POLR2M: variants seen among roughly 807,000 people sequenced by gnomAD.
POLR2M encodes RNA polymerase II subunit M.
POLR2M carries 30 observed loss-of-function variants against 34.6 expected under a neutral mutation model. The ratio of observed to expected loss-of-function variants is 0.87; its 90% CI spans 0.65 to 1.18. The LOEUF is 1.18. Among genes scored for constraint, POLR2M ranks in the 50% most tolerant of loss-of-function variants. The pLI, the probability that POLR2M is intolerant of heterozygous loss-of-function variation, is 0.00. For missense variants in POLR2M, 432 were observed against 448.7 expected, an observed-to-expected ratio of 0.96 and a Z score of 0.34; for synonymous variants, 150 against 166.7, an observed-to-expected ratio of 0.90 and a Z score of 0.77.
chr15:57,708,315 A>G (rs545787873), intron 1 of POLR2M, among the ~76,000 whole-genome samples: 100 of 152,312 alleles, frequency 6.6e-4, no homozygotes, highest in Middle Eastern at 3.4e-3. Flanking sequence ...TGAGAGGGAA[A>G]TAATATCTTA....
In POLR2M at chr15:57,712,011, T is replaced by C. The variant is rs1161652460; in HGVS notation, c.786T>C (p.Ser262=). 6.2e-7 allele frequency: 1 copy of C among 1,614,034 alleles called. No homozygotes were observed. The highest frequency in any genetic ancestry group is 1.1e-5 in the South Asian group (1 of 91,076). ...NVLPFRQNDS[S]SHCQKSGSPI... ...TACCTTTTCGACAAAATGATTCATC[T>C]AGTCATTGCCAGAAGAGTGGGTCTC... Residue 262 remains serine, a synonymous_variant, in exon 3 of 4, where the codon TCT becomes TCC. Coordinates refer to ENST00000299638, the MANE Select transcript of POLR2M (RefSeq NM_015532.5).
intron 1 of POLR2M, among the ~76,000 whole-genome samples, chr15:57,707,970 A>C (rs2040558863): frequency 6.6e-6 from 1 of 152,244 alleles, no homozygotes; most frequent in African/African-American, 2.4e-5. Flanking sequence ...GTTAAAGAAA[A>C]GGGAATCAGA....
intron 2 of POLR2M, among the ~76,000 whole-genome samples, chr15:57,710,730 A>G (rs1490507846): frequency 6.6e-6 from 1 of 152,216 alleles, no homozygotes; most frequent in Non-Finnish European, 1.5e-5. Flanking sequence ...GAAGAGGGCT[A>G]CCAAGAATTC....
At chr15:57,709,919 A>G (rs557989034) in intron 2 of POLR2M, among the ~76,000 whole-genome samples, 6 of 152,282 alleles carry the variant, frequency 3.9e-5, no homozygotes, top group African/African-American at 1.2e-4. Flanking sequence ...TTCCAGCAGA[A>G]ATTATTTGCA....
At chr15:57,709,489 G>A in intron 2 of POLR2M, 131 bp downstream of exon 2, 1 of 1,067,830 alleles carries the variant, frequency 9.4e-7, no homozygotes, top group Non-Finnish European at 1.4e-6. Flanking sequence ...TGGGAAGACA[G>A]CTTTGAGTCC....
In POLR2M at chr15:57,706,721, C is replaced by T; in HGVS notation, c.-122C>T. 1 of 1,153,192 alleles carries T rather than the reference C, an allele frequency of 8.7e-7. No homozygotes were observed. Among genetic ancestry groups the T allele is most frequent in the Admixed American group, 2.7e-5 (1 of 37,580 alleles). 71.4% of individuals were successfully genotyped at this position (1,153,192 alleles called of 1,614,324 possible). A position where few individuals can be genotyped will look rare whatever the true frequency, so the allele number is the denominator to read the frequency against. ...CGGCTCGAAGAAGACCCCGTTCTTC[C>T]GGGAAAATGGCGACTCCCGCTCGTG... On this transcript the variant is annotated 5_prime_UTR_variant, in exon 1 of 4. Transcript: ENST00000299638.
intron 1 of POLR2M, 71 bp downstream of exon 1, chr15:57,707,026 C>G: frequency 6.4e-7 from 1 of 1,551,898 alleles, no homozygotes; most frequent in Non-Finnish European, 8.7e-7. Context: ...CCCCTCCCCT[C>G]CCGCACTCTG....
intron 3 of POLR2M, among the ~76,000 whole-genome samples, chr15:57,713,530 A>G (rs2040822385): frequency 6.6e-6 from 1 of 152,174 alleles, no homozygotes; most frequent in Admixed American, 6.5e-5. Flanking sequence ...TCAAGAAAGC[A>G]TGAGAAAAGG....
At chr15:57,709,432 G>C in intron 2 of POLR2M, 74 bp downstream of exon 2, 1 of 1,517,176 alleles carries the variant, frequency 6.6e-7, no homozygotes. Flanking sequence ...GAGAAACTGG[G>C]TGTGGTGGTG....
Position 57,716,572 on chromosome 15 carries a change from AG to A in POLR2M, c.*1896del, listed in dbSNP as rs2040951315. Reference sequence around the variant, plus strand: ...TTTGCAAATTGAATAATTACAGAAAAGGGCTACATTTAAAATTTGTATTTGT... The same window carrying A: ...TTTGCAAATTGAATAATTACAGAAAAGGCTACATTTAAAATTTGTATTTGT... On this transcript the variant is annotated 3_prime_UTR_variant, in exon 4 of 4. Coordinates refer to ENST00000299638, the MANE Select transcript of POLR2M (RefSeq NM_015532.5). 1 of 152,288 alleles carries A rather than the reference AG, an allele frequency of 6.6e-6. No individual in the cohort carries two copies. The highest frequency in any genetic ancestry group is 1.5e-5 in the Non-Finnish European group (1 of 68,044). 9.4% of individuals were successfully genotyped at this position (152,288 alleles called of 1,614,324 possible). A position where few individuals can be genotyped will look rare whatever the true frequency, so the allele number is the denominator to read the frequency against.
Position 57,709,116 on chromosome 15 carries a change from C to A in POLR2M, c.516C>A (p.His172Gln). The change falls in exon 2 of 4, where the codon CAC becomes CAA. Residue 172 changes from histidine to glutamine, a missense_variant. Coordinates refer to ENST00000299638, the MANE Select transcript of POLR2M (RefSeq NM_015532.5). Reference sequence around the variant, plus strand: ...CTTCATCTGAAGCTAGTGAGCATCACCCGCGGCATCGTGTTTCAAGTCAAG... The same window carrying A: ...CTTCATCTGAAGCTAGTGAGCATCAACCGCGGCATCGTGTTTCAAGTCAAG... Reference protein sequence around the residue: ...VPPSSEASEHHPRHRVSSQAE... With the variant: ...VPPSSEASEHQPRHRVSSQAE... The A allele has an allele frequency of 6.2e-7, 1 of 1,614,162 alleles. No homozygotes were observed. The highest frequency in any genetic ancestry group is 1.1e-5 in the South Asian group (1 of 91,074).
chr15:57,708,083 A>C (rs1270924439), intron 1 of POLR2M, among the ~76,000 whole-genome samples: 1 of 152,230 alleles, frequency 6.6e-6, no homozygotes, highest in African/African-American at 2.4e-5. Flanking sequence ...TATAGCAGTG[A>C]ATTAACTTTT....
intron 1 of POLR2M, chr15:57,707,466 G>GGCAGCTTTGTTCA (rs2040540679): frequency 5.4e-6 from 3 of 556,258 alleles, no homozygotes; most frequent in Middle Eastern, 2.8e-4. Flanking sequence ...TTGTTTTTTA[G>GGCAGCTTTGTTCA]GCAGCTTTGT....
At position 57,706,805 on chromosome 15, in the gene POLR2M, C is replaced by G. The variant is rs1484723310; in HGVS notation, c.-38C>G. The stretch of plus-strand genomic sequence containing the variant: ...TAGTAGCGGGGCCTGCCGAGGAAGC[C>G]GAGTGCCCGCCGCCGCGCCAGCCTC... On this transcript the variant is annotated 5_prime_UTR_variant, in exon 1 of 4. Coordinates refer to ENST00000299638, the MANE Select transcript of POLR2M (RefSeq NM_015532.5). The G allele has an allele frequency of 6.5e-7, 1 of 1,540,506 alleles. No homozygotes were observed. The highest frequency in any genetic ancestry group is 8.8e-7 in the Non-Finnish European group (1 of 1,138,934).
intron 2 of POLR2M, 111 bp downstream of exon 2, chr15:57,709,469 G>A: frequency 7.7e-7 from 1 of 1,303,222 alleles, no homozygotes; most frequent in Non-Finnish European, 1.1e-6. Context: ...GGCTACTCAG[G>A]AGGCTGAGGT....
rs764299358 is a variant in POLR2M, at chr15:57,712,196, G to T, written c.963+8G>T. ...CAGAAACAGAATTATGAGGTATTTA[G>T]AGTATTTTTTTTCTTGTCTGTTTGT... On this transcript the variant is annotated splice_region_variant and intron_variant, in intron 3 of 3. Transcript: ENST00000299638. 6.2e-7 allele frequency: 1 copy of T among 1,613,688 alleles called. No individual in the cohort carries two copies. Among genetic ancestry groups the T allele is most frequent in the South Asian group, 1.1e-5 (1 of 90,946 alleles).
Position 57,715,203 on chromosome 15 carries a change from G to T in POLR2M, c.*524G>T, listed in dbSNP as rs1292136742. ...ACCTAGGAAGACATGTATGGAGAAT[G>T]CTTAACAAATGCTCTTCTCCTTTTT... On this transcript the variant is annotated 3_prime_UTR_variant, in exon 4 of 4. Coordinates refer to ENST00000299638, the MANE Select transcript of POLR2M (RefSeq NM_015532.5). 1 of 152,992 alleles carries T rather than the reference G, an allele frequency of 6.5e-6. No homozygotes were observed. The highest frequency in any genetic ancestry group is 1.5e-5 in the Non-Finnish European group (1 of 68,356). The allele number at this position is 152,992 out of a possible 1,614,324, so 9.5% of individuals were successfully genotyped here. A position where few individuals can be genotyped will look rare whatever the true frequency, so the allele number is the denominator to read the frequency against.
Position 57,706,810 on chromosome 15 carries a change from G to A in POLR2M, c.-33G>A, listed in dbSNP as rs1477470652. On this transcript the variant is annotated 5_prime_UTR_variant, in exon 1 of 4. Transcript: ENST00000299638. ...GCGGGGCCTGCCGAGGAAGCCGAGTGCCCGCCGCCGCGCCAGCCTCAGCCC... is the reference window on the plus strand; with the variant it reads ...GCGGGGCCTGCCGAGGAAGCCGAGTACCCGCCGCCGCGCCAGCCTCAGCCC... 5 of 1,541,432 alleles carry A rather than the reference G, an allele frequency of 3.2e-6. No homozygotes were observed. The highest frequency in any genetic ancestry group is 4.9e-5 in the East Asian group (2 of 40,560).
At chr15:57,707,726 A>AGGGT (rs1335122494) in intron 1 of POLR2M, among the ~76,000 whole-genome samples, 2 of 152,212 alleles carry the variant, frequency 1.3e-5, no homozygotes, top group Non-Finnish European at 2.9e-5. Context: ...GATTTTACTT[A>AGGGT]GGGTGTGCAG....
Sources: gnomAD v4.1 joint callset for allele counts (sites outside exome capture counted in the v4.1 genomes callset) on GRCh38, gnomAD v4.1.1 for gene constraint, MANE v1.5 for transcripts, NCBI Gene and HGNC (gene_info 2026-07-23, HGNC 2026-07-21) for gene names.